The following DNAH12 variants were observed in gnomAD, a reference collection of about 807,000 sequenced individuals.
DNAH12 encodes the protein axonemal beta dynein heavy chain 12.
DNAH12 carries 285 observed loss-of-function variants against 371.5 expected under a neutral mutation model. The ratio of observed to expected loss-of-function variants is 0.77; its 90% CI spans 0.70 to 0.85. The LOEUF is 0.85. Ranked by LOEUF, DNAH12 falls within the 40% of genes least tolerant of loss-of-function variation. DNAH12 has a pLI of 0.00. For synonymous variants in DNAH12, 1,200 were observed against 1,213.0 expected, an observed-to-expected ratio of 0.99 and a Z score of 0.22; for missense variants, 3,611 against 3,689.4, an observed-to-expected ratio of 0.98 and a Z score of 0.55.
intron 29 of DNAH12, among the ~76,000 whole-genome samples, chr3:57,439,942 A>G (rs1302677980): frequency 6.6e-6 from 1 of 152,208 alleles, no homozygotes; most frequent in Non-Finnish European, 1.5e-5. Context: ...AACATCACTA[A>G]TCGTCAGAGA....
At chr3:57,390,424 A>AAAAAAAAAAAAAAAAAATATATATAT in intron 45 of DNAH12, among the ~76,000 whole-genome samples, 2 of 33,440 alleles carry the variant, frequency 6.0e-5, no homozygotes, top group Admixed American at 5.6e-4. Flanking sequence ...AAAAAAAAAA[A>AAAAAAAAAAAAAAAAAATATATATAT]ATATATATAT....
chr3:57,391,330 A>C (rs2063618256), intron 45 of DNAH12, among the ~76,000 whole-genome samples: 1 of 152,136 alleles, frequency 6.6e-6, no homozygotes, highest in South Asian at 2.1e-4. Context: ...GATTGCCTTC[A>C]AGCTAAGACA....
intron 25 of DNAH12, among the ~76,000 whole-genome samples, chr3:57,450,954 C>G (rs2065739322): frequency 6.6e-6 from 1 of 152,176 alleles, no homozygotes; most frequent in Admixed American, 6.5e-5. Context: ...CAGGGGTGAC[C>G]CTTAGTCAAT....
At chr3:57,422,519 C>T (rs909713514) in intron 35 of DNAH12, among the ~76,000 whole-genome samples, 1 of 152,144 alleles carries the variant, frequency 6.6e-6, no homozygotes, top group Non-Finnish European at 1.5e-5. Flanking sequence ...AATACCCATA[C>T]TGGCTGGGTA....
chr3:57,412,900 T>C (rs2064250695), intron 39 of DNAH12, among the ~76,000 whole-genome samples: 1 of 152,200 alleles, frequency 6.6e-6, no homozygotes, highest in Admixed American at 6.5e-5. Flanking sequence ...AAACTAAACG[T>C]ATTCTTACCA....
At chr3:57,454,944 A>T (rs147995556) in intron 22 of DNAH12, 50 bp from the exon 23 acceptor site, 1 of 1,526,280 alleles carries the variant, frequency 6.6e-7, no homozygotes, top group Non-Finnish European at 8.8e-7. Context: ...ATGAGAAAAA[A>T]TAGCTAAATG....
Position 57,408,516 on chromosome 3 carries a change from T to G in DNAH12, c.6040A>C (p.Ser2014Arg), listed in dbSNP as rs1053770088. The G allele has an allele frequency of 1.3e-6, 2 of 1,548,482 alleles. No individual in the cohort carries two copies. The highest frequency in any genetic ancestry group is 2.4e-5 in the South Asian group (2 of 83,264). ...CGHWYDLKDT[S>R]KITLVDIELI... ...TCTATGTCCACCAGCGTGATTTTAC[T>G]TGTGTCCTTAAGGTCGTACCTTAGA... Residue 2014 changes from serine (S) to arginine (R), a missense_variant, in exon 40 of 74, where the codon AGT (serine) becomes CGT (arginine). By Grantham distance (110) the Ser-to-Arg change is moderately radical. Around this residue, in one of 3 missense-constraint regions of DNAH12, gnomAD observed 2,266 missense variants for 2,236.9 expected, o/e 1.01. Transcript: ENST00000495027.
intron 2 of DNAH12, among the ~76,000 whole-genome samples, chr3:57,526,304 G>A (rs565592011): frequency 2.6e-5 from 4 of 152,126 alleles, no homozygotes; most frequent in African/African-American, 9.7e-5. Flanking sequence ...GACCATCCAT[G>A]TTGTTGCAAA....
upstream of DNAH12, among the ~76,000 whole-genome samples, chr3:57,548,086 T>C (rs933720123): frequency 6.6e-6 from 1 of 152,204 alleles, no homozygotes; most frequent in Non-Finnish European, 1.5e-5. Context: ...AATGATGCGA[T>C]TGACAAGGAA....
chr3:57,361,409 TATAC>T (rs1475613312), intron 58 of DNAH12, among the ~76,000 whole-genome samples: 1 of 144,058 alleles, frequency 6.9e-6, no homozygotes, highest in African/African-American at 2.7e-5. Flanking sequence ...ACTATATATA[TATAC>T]ACACACACTA....
chr3:57,334,471 A>G lies in DNAH12; in HGVS notation c.9972T>C (p.Pro3324=). 6.5e-7 allele frequency: 1 copy of G among 1,545,756 alleles called. No individual in the cohort carries two copies. The highest frequency in any genetic ancestry group is 8.7e-7 in the Non-Finnish European group (1 of 1,145,766). The change falls in exon 62 of 74, where the codon CCT becomes CCC. Residue 3324 remains proline (P), a synonymous_variant. Coordinates refer to ENST00000495027, the MANE Select transcript of DNAH12 (RefSeq NM_001366028.2). ...GAACACATTGGTCTTTTACCTTATC[A>G]GGTCTTAAACACCGAAGAATTATTA... The part of the protein sequence containing the change: ...QKIIILRCLR[P]DKITPAITNY...
At chr3:57,508,349 G>A (rs370938487) in intron 7 of DNAH12, 33 bp downstream of exon 7, 253 of 1,558,074 alleles carry the variant, frequency 1.6e-4, no homozygotes, top group Non-Finnish European at 2.0e-4. Context: ...CAAGCAAGGA[G>A]ACATTCAAAT....
chr3:57,478,574 T>A (rs948045845), intron 13 of DNAH12, among the ~76,000 whole-genome samples: 1 of 152,046 alleles, frequency 6.6e-6, no homozygotes. Flanking sequence ...ATACACAGAA[T>A]TCCACCAAGA....
At chr3:57,379,405 G>A (rs1406975218) in intron 51 of DNAH12, 107 bp from the exon 52 acceptor site, 1 of 151,866 alleles carries the variant, frequency 6.6e-6, no homozygotes, top group African/African-American at 2.4e-5. Flanking sequence ...AGTTAATGTT[G>A]GCTTTAAAAG....
intron 58 of DNAH12, among the ~76,000 whole-genome samples, 159 bp downstream of exon 58, chr3:57,363,435 T>G (rs1477549082): frequency 6.6e-6 from 1 of 152,204 alleles, no homozygotes; most frequent in Non-Finnish European, 1.5e-5. Context: ...TATTCTCTTA[T>G]GAGTTTAAAT....
chr3:57,415,682 C>G, intron 37 of DNAH12, 118 bp from the exon 38 acceptor site: 1 of 954,420 alleles, frequency 1.0e-6, no homozygotes, highest in Non-Finnish European at 1.5e-6. Context: ...ATTAAAAACT[C>G]ATTTTTACCT....
chr3:57,293,757 G>A lies in DNAH12; in HGVS notation c.*24C>T. The A allele has an allele frequency of 2.7e-6, 4 of 1,481,872 alleles. No individual in the cohort carries two copies. Among genetic ancestry groups the A allele is most frequent in the Non-Finnish European group, 3.6e-6 (4 of 1,105,982 alleles). 91.8% of individuals were successfully genotyped at this position (1,481,872 alleles called of 1,614,324 possible). A position where few individuals can be genotyped will look rare whatever the true frequency, so the allele number is the denominator to read the frequency against. On this transcript the variant is annotated 3_prime_UTR_variant, in exon 74 of 74. Coordinates refer to ENST00000495027, the MANE Select transcript of DNAH12 (RefSeq NM_001366028.2). Reference sequence around the variant, plus strand: ...CAGGTTTTTTTTTTTTTAAACTTTTGGATGTTTTATAAATTTGTCCAATTT... The same window carrying A: ...CAGGTTTTTTTTTTTTTAAACTTTTAGATGTTTTATAAATTTGTCCAATTT...
intron 10 of DNAH12, 69 bp from the exon 11 acceptor site, chr3:57,501,481 T>C: frequency 8.8e-7 from 1 of 1,141,432 alleles, no homozygotes; most frequent in Non-Finnish European, 1.2e-6. Context: ...TTTTTTTATA[T>C]GATCATGGAA....
intron 51 of DNAH12, among the ~76,000 whole-genome samples, chr3:57,379,804 G>A (rs1273660456): frequency 2.6e-5 from 3 of 117,534 alleles, no homozygotes; most frequent in Non-Finnish European, 4.8e-5. Flanking sequence ...TCCCGCCACT[G>A]CACTCCAGCC....
Sources: gnomAD v4.1 joint callset for allele counts (sites outside exome capture counted in the v4.1 genomes callset) on GRCh38, gnomAD v4.1.1 for gene constraint, gnomAD v4.1.1 regional missense constraint, MANE v1.5 for transcripts, NCBI Gene and HGNC (gene_info 2026-07-23, HGNC 2026-07-21) for gene names.